MARCHF1: variants seen among roughly 807,000 people sequenced by gnomAD.
MARCHF1 encodes membrane associated ring-CH-type finger 1.
A neutral mutation model predicts 54.2 loss-of-function variants in MARCHF1; 40 were observed. The ratio of observed to expected loss-of-function variants is 0.74; its 90% CI spans 0.57 to 0.96. MARCHF1 has a LOEUF of 0.96. MARCHF1 is among the 40% of genes least tolerant of loss of function. The probability of loss-of-function intolerance (pLI) is 0.00; values close to 1 mark genes in which losing one functional copy is unlikely to be tolerated. For synonymous variants in MARCHF1, 236 were observed against 236.3 expected (o/e 1.00, Z 0.01); for missense variants, 586 against 656.5 (o/e 0.89, Z 1.17).
At chr4:164,033,139 A>C (rs1361963668) in intron 2 of MARCHF1, among the ~76,000 whole-genome samples, 41 of 150,548 alleles carry the variant, frequency 2.7e-4, no homozygotes, top group Admixed American at 2.6e-3. Context: ...GTGCCACTGC[A>C]CTCCAGCCTG....
chr4:163,651,220 T>C (rs1006130576), intron 5 of MARCHF1, among the ~76,000 whole-genome samples: 1 of 151,978 alleles, frequency 6.6e-6, no homozygotes. Flanking sequence ...GTTATGTTTT[T>C]GGATTGTTGT....
At chr4:164,212,068 GTGATGA>G (rs143268270) in intron 1 of MARCHF1, among the ~76,000 whole-genome samples, 2 of 151,876 alleles carry the variant, frequency 1.3e-5, no homozygotes, top group African/African-American at 4.8e-5. Flanking sequence ...TGCTCTCAAA[GTGATGA>G]TGATGATGAT....
intron 4 of MARCHF1, among the ~76,000 whole-genome samples, chr4:163,780,654 G>A: frequency 6.6e-6 from 1 of 152,112 alleles, no homozygotes; most frequent in Non-Finnish European, 1.5e-5. Context: ...TTATTTGAAG[G>A]GACAGTTTAA....
chr4:163,608,070 T>C (rs967325734), intron 7 of MARCHF1, among the ~76,000 whole-genome samples: 5 of 152,170 alleles, frequency 3.3e-5, no homozygotes, highest in Admixed American at 1.3e-4. Flanking sequence ...TCAAAAACTA[T>C]GTGTTGAGAA....
intron 2 of MARCHF1, among the ~76,000 whole-genome samples, chr4:164,085,803 G>A (rs2111122075): frequency 6.6e-6 from 1 of 151,780 alleles, no homozygotes; most frequent in East Asian, 1.9e-4. Flanking sequence ...CTATCTTGGT[G>A]CATAAAAATA....
At chr4:163,820,315 C>T (rs1748656214) in intron 4 of MARCHF1, among the ~76,000 whole-genome samples, 1 of 151,946 alleles carries the variant, frequency 6.6e-6, no homozygotes, top group African/African-American at 2.4e-5. Flanking sequence ...ATGTCACAGC[C>T]CTCTCTTAGT....
At chr4:164,301,927 T>C (rs972737351) in intron 1 of MARCHF1, among the ~76,000 whole-genome samples, 4 of 152,102 alleles carry the variant, frequency 2.6e-5, no homozygotes, top group Non-Finnish European at 4.4e-5. Context: ...TAGGGTGCCC[T>C]AAGAGAGAAG....
chr4:164,009,980 T>C lies in MARCHF1; in HGVS notation c.-247-21271A>G, dbSNP rs183245845. ...GAGAAAAAGATAATGAACATCTGAA[T>C]TAGAAAAAAAGAAGTCAAATTATCC... On this transcript the variant is annotated intron_variant, in intron 2 of 9. Transcript: ENST00000514618. 1.9e-4 allele frequency among the ~76,000 whole-genome samples: 28 copies of C among 150,596 alleles called. 1 individual carries two copies. The highest frequency in any genetic ancestry group is 4.0e-4 in the Non-Finnish European group (27 of 67,714).
intron 2 of MARCHF1, among the ~76,000 whole-genome samples, chr4:164,095,055 C>A (rs1755381034): frequency 6.6e-6 from 1 of 152,052 alleles, no homozygotes; most frequent in Non-Finnish European, 1.5e-5. Context: ...CAATGCTTAA[C>A]AATGGCCTAA....
At chr4:163,693,584 T>C (rs1413071005) in intron 5 of MARCHF1, among the ~76,000 whole-genome samples, 2 of 151,372 alleles carry the variant, frequency 1.3e-5, no homozygotes, top group African/African-American at 4.9e-5. Flanking sequence ...AATGGAGAAC[T>C]GCAGTGAAAA....
At position 163,570,968 on chromosome 4, in the gene MARCHF1, T is replaced by C. The variant is rs72683405; in HGVS notation, c.1191+14781A>G. On this transcript the variant is annotated intron_variant, in intron 8 of 9. Transcript: ENST00000514618. ...TTCCTGATATAAAGTAAATTGTCTG[T>C]GGACTAAGCAGATCTCTACAGATAC... 9.1e-3 allele frequency among the ~76,000 whole-genome samples: 1,392 copies of C among 152,258 alleles called. 13 individuals carry two copies. The highest frequency in any genetic ancestry group is 0.014 in the Non-Finnish European group (952 of 68,002).
chr4:164,324,289 A>C (rs889991104), intron 1 of MARCHF1, among the ~76,000 whole-genome samples: 8 of 151,874 alleles, frequency 5.3e-5, no homozygotes, highest in African/African-American at 1.9e-4. Flanking sequence ...GCTGACATAT[A>C]TTGGCAACTA....
chr4:163,958,843 T>A (rs976792456), intron 3 of MARCHF1, among the ~76,000 whole-genome samples: 2 of 151,864 alleles, frequency 1.3e-5, no homozygotes, highest in African/African-American at 4.8e-5. Context: ...TTTTGACCAA[T>A]AGAAAATAAC....
intron 5 of MARCHF1, among the ~76,000 whole-genome samples, chr4:163,693,868 C>T (rs142207513): frequency 1.1e-3 from 160 of 152,208 alleles, no homozygotes; most frequent in African/African-American, 3.5e-3. Context: ...TTGAAATTTG[C>T]GGAAATCCAC....
intron 1 of MARCHF1, among the ~76,000 whole-genome samples, chr4:164,330,355 G>A (rs896798229): frequency 1.3e-5 from 2 of 152,028 alleles, no homozygotes; most frequent in Non-Finnish European, 2.9e-5. Context: ...GTACAGGATG[G>A]AGTTAGGAAG....
intron 3 of MARCHF1, among the ~76,000 whole-genome samples, chr4:163,872,544 C>T (rs1750191068): frequency 1.3e-5 from 2 of 152,108 alleles, no homozygotes; most frequent in African/African-American, 2.4e-5. Context: ...TGTAGAAGTG[C>T]TGTATCACTA....
At chr4:163,741,589 A>AC (rs996213794) in intron 4 of MARCHF1, among the ~76,000 whole-genome samples, 2 of 151,926 alleles carry the variant, frequency 1.3e-5, no homozygotes, top group East Asian at 1.9e-4. Flanking sequence ...TCTCAAAAAA[A>AC]AAAAAAAAAT....
intron 7 of MARCHF1, among the ~76,000 whole-genome samples, chr4:163,596,183 G>C (rs542201842): frequency 6.6e-6 from 1 of 152,206 alleles, no homozygotes; most frequent in Non-Finnish European, 1.5e-5. Context: ...TGGAGGAAGA[G>C]AGCAAAGGAT....
At chr4:163,674,884 A>T (rs1461943903) in intron 5 of MARCHF1, among the ~76,000 whole-genome samples, 1 of 152,202 alleles carries the variant, frequency 6.6e-6, no homozygotes, top group Non-Finnish European at 1.5e-5. Context: ...AACATAATAG[A>T]AGGAAAAATA....
Sources: gnomAD v4.1 joint callset for allele counts (sites outside exome capture counted in the v4.1 genomes callset) on GRCh38, gnomAD v4.1.1 for gene constraint, MANE v1.5 for transcripts, NCBI Gene and HGNC (gene_info 2026-07-23, HGNC 2026-07-21) for gene names.